The following NRXN3 variants were observed in gnomAD, a reference collection of about 807,000 sequenced individuals.
The protein encoded by NRXN3 is neurexin III.
Under a neutral mutation model 137.6 loss-of-function variants are expected in NRXN3, and 32 were observed. The observed-to-expected ratio is 0.23, with a 90% CI of 0.18 to 0.31. NRXN3 has a LOEUF of 0.31. Among genes scored for constraint, NRXN3 ranks in the 10% least tolerant of loss-of-function variants. The pLI is 1.00. For synonymous variants in NRXN3, 798 were observed against 784.5 expected (o/e 1.02, Z -0.29); for missense variants, 1,574 against 2,062.5 (o/e 0.76, Z 4.59).
At position 79,008,539 on chromosome 14, in the gene NRXN3, G is replaced by GT. The variant is rs200081737; in HGVS notation, c.3262+20399dup. ...GTATAATTACTTTGAGCTTGCCAGCGTAAGTTTCCTCCTACTCTCTCCCTG... is the reference window on the plus strand; with the variant it reads ...GTATAATTACTTTGAGCTTGCCAGCGTTAAGTTTCCTCCTACTCTCTCCCTG... On this transcript the variant is annotated intron_variant, in intron 15 of 20. Transcript: ENST00000335750. Among the ~76,000 whole-genome samples, 589 of 151,004 alleles carry GT rather than the reference G, an allele frequency of 3.9e-3. 17 individuals carry two copies. The highest frequency in any genetic ancestry group is 0.03 in the East Asian group (157 of 5,158).
chr14:79,762,887 A>G (rs1230611702), intron 19 of NRXN3, among the ~76,000 whole-genome samples: 1 of 151,704 alleles, frequency 6.6e-6, no homozygotes, highest in Non-Finnish European at 1.5e-5. Flanking sequence ...TAAAAATTAT[A>G]CTTTAAGTCC....
chr14:79,506,872 A>C (rs2153683749), intron 16 of NRXN3, among the ~76,000 whole-genome samples: 1 of 152,248 alleles, frequency 6.6e-6, no homozygotes, highest in African/African-American at 2.4e-5. Flanking sequence ...AGAGGTGAAA[A>C]TATGAGAGAA....
chr14:78,926,613 T>TAA (rs553060436), intron 10 of NRXN3, among the ~76,000 whole-genome samples: 2,228 of 113,078 alleles, frequency 0.02, 37 homozygotes, highest in Middle Eastern at 0.044. Flanking sequence ...TATATATATA[T>TAA]AATGTATATT....
At chr14:78,762,187 C>G (rs191404901) in intron 8 of NRXN3, among the ~76,000 whole-genome samples, 5 of 152,176 alleles carry the variant, frequency 3.3e-5, no homozygotes, top group African/African-American at 7.2e-5. Flanking sequence ...ATGACTGAAC[C>G]TGTCTTCTTA....
intron 10 of NRXN3, among the ~76,000 whole-genome samples, chr14:78,819,832 A>G (rs1298834813): frequency 6.6e-6 from 1 of 152,198 alleles, no homozygotes; most frequent in African/African-American, 2.4e-5. Flanking sequence ...CAACAAATTT[A>G]TAATTATATA....
chr14:78,476,127 T>G (rs2095373386), intron 4 of NRXN3, among the ~76,000 whole-genome samples: 1 of 152,180 alleles, frequency 6.6e-6, no homozygotes, highest in Non-Finnish European at 1.5e-5. Flanking sequence ...ACTTACTGAG[T>G]GCTTACTATG....
In NRXN3 at chr14:79,355,249, G is replaced by GCC. The variant is rs1555395408; in HGVS notation, c.3263-111972_3263-111971insCC. ...ACTCCTCCTATTCCTGGGCTTTTCT[G>GCC]TCCCCCACCCCCTTCCTTCCCTCCT... On this transcript the variant is annotated intron_variant, in intron 15 of 20. Coordinates refer to ENST00000335750, the MANE Select transcript of NRXN3 (RefSeq NM_001330195.2). Among the ~76,000 whole-genome samples the GCC allele has an allele frequency of 8.6e-4, 127 of 147,774 alleles. 1 individual carries two copies. Among genetic ancestry groups the GCC allele is most frequent in the African/African-American group, 3.2e-3 (120 of 37,918 alleles).
intron 10 of NRXN3, among the ~76,000 whole-genome samples, chr14:78,876,686 AC>A (rs1226083229): frequency 2.0e-5 from 3 of 152,172 alleles, no homozygotes; most frequent in African/African-American, 4.8e-5. Context: ...TGGTGCAGTC[AC>A]TTATCAAATG....
At chr14:79,261,601 C>CCGTGTG (rs35393194) in intron 15 of NRXN3, among the ~76,000 whole-genome samples, 5 of 59,180 alleles carry the variant, frequency 8.4e-5, no homozygotes, top group African/African-American at 2.9e-4. Context: ...AAGAAAGGTG[C>CCGTGTG]TGTGTGTGTG....
chr14:78,293,171 A>C (rs2075977804), intron 3 of NRXN3, among the ~76,000 whole-genome samples: 1 of 152,070 alleles, frequency 6.6e-6, no homozygotes, highest in African/African-American at 2.4e-5. Context: ...GCTTGGAAAA[A>C]AGAACCTCCA....
intron 16 of NRXN3, among the ~76,000 whole-genome samples, chr14:79,502,508 T>G (rs1293214770): frequency 6.6e-6 from 1 of 151,914 alleles, no homozygotes; most frequent in Non-Finnish European, 1.5e-5. Flanking sequence ...ATTCTCTCTC[T>G]CGCCACACCC....
chr14:78,744,689 C>T (rs1348018376), intron 8 of NRXN3: 1 of 152,076 alleles, frequency 6.6e-6, no homozygotes, highest in Non-Finnish European at 1.5e-5. Context: ...TATCCACTTC[C>T]ACACCTTTTT....
chr14:78,526,479 G>T (rs758119138), intron 4 of NRXN3, among the ~76,000 whole-genome samples: 1 of 152,178 alleles, frequency 6.6e-6, no homozygotes, highest in Non-Finnish European at 1.5e-5. Context: ...CAAAAACAAA[G>T]AAAACTAACA....
At chr14:78,713,377 C>G (rs2098418245) in intron 7 of NRXN3, among the ~76,000 whole-genome samples, 1 of 152,186 alleles carries the variant, frequency 6.6e-6, no homozygotes, top group Non-Finnish European at 1.5e-5. Flanking sequence ...CTGGCATGCT[C>G]TCTCTCCTGG....
chr14:79,366,774 G>A (rs1762752276), intron 15 of NRXN3, among the ~76,000 whole-genome samples: 1 of 152,136 alleles, frequency 6.6e-6, no homozygotes, highest in Admixed American at 6.6e-5. Flanking sequence ...GTGTGGCACA[G>A]GGAAGGCATT....
intron 4 of NRXN3, among the ~76,000 whole-genome samples, chr14:78,514,816 A>G (rs550657089): frequency 6.6e-6 from 1 of 152,248 alleles, no homozygotes; most frequent in East Asian, 1.9e-4. Flanking sequence ...AGGGAGGACC[A>G]CTTGGGTTGG....
chr14:78,798,862 T>C (rs2098830378), intron 8 of NRXN3, among the ~76,000 whole-genome samples: 1 of 152,232 alleles, frequency 6.6e-6, no homozygotes, highest in African/African-American at 2.4e-5. Context: ...AGCTCTACCT[T>C]GGCCCCTTTT....
intron 15 of NRXN3, among the ~76,000 whole-genome samples, chr14:79,401,363 C>T (rs2095188945): frequency 6.6e-6 from 1 of 152,064 alleles, no homozygotes; most frequent in Admixed American, 6.6e-5. Flanking sequence ...CCTGGACAGG[C>T]AGCACCAGCA....
chr14:78,249,989 C>T, intron 2 of NRXN3: 1 of 415,504 alleles, frequency 2.4e-6, no homozygotes, highest in African/African-American at 2.1e-5. Flanking sequence ...CTAATAATCA[C>T]AGAGCACTGG....
Sources: allele counts gnomAD v4.1 joint callset (sites outside exome capture counted in the v4.1 genomes callset), GRCh38; gene constraint gnomAD v4.1.1; transcripts MANE v1.5; gene names NCBI Gene and HGNC (gene_info 2026-07-23, HGNC 2026-07-21).